CSMD1: variants seen among roughly 807,000 people sequenced by gnomAD.
The protein encoded by CSMD1 is CUB and sushi domain-containing protein 1.
CSMD1 carries 213 observed loss-of-function variants against 417.5 expected under a neutral mutation model. The observed-to-expected ratio is 0.51, with a 90% confidence interval of 0.46 to 0.57. The LOEUF is 0.57. Among genes scored for constraint, CSMD1 ranks in the 20% least tolerant of loss-of-function variants. CSMD1 has a pLI of 0.00. For missense variants in CSMD1, 6,923 were observed against 4,529.7 expected, an observed-to-expected ratio of 1.53 and a Z score of -15.17; for synonymous variants, 2,862 against 1,736.8, an observed-to-expected ratio of 1.65 and a Z score of -16.11.
At chr8:4,827,291 A>C (rs1011037004) in intron 1 of CSMD1, among the ~76,000 whole-genome samples, 5 of 152,112 alleles carry the variant, frequency 3.3e-5, no homozygotes, top group African/African-American at 1.2e-4. Context: ...CTCATGTTTC[A>C]AGCAGAAAGA....
chr8:4,457,275 C>G (rs1464899837), intron 2 of CSMD1, among the ~76,000 whole-genome samples: 1 of 152,112 alleles, frequency 6.6e-6, no homozygotes, highest in Non-Finnish European at 1.5e-5. Flanking sequence ...ATCTTACTTA[C>G]ATATATCATT....
At chr8:4,095,038 T>A (rs1800928645) in intron 3 of CSMD1, among the ~76,000 whole-genome samples, 1 of 152,120 alleles carries the variant, frequency 6.6e-6, no homozygotes, top group Non-Finnish European at 1.5e-5. Context: ...CTTGAGAAAG[T>A]CATGTAAGTA....
At chr8:3,259,312 T>G (rs569113916) in intron 26 of CSMD1, among the ~76,000 whole-genome samples, 8 of 152,340 alleles carry the variant, frequency 5.3e-5, no homozygotes, top group African/African-American at 1.4e-4. Flanking sequence ...CTAGTTAGCA[T>G]GTGAGCTCTG....
intron 3 of CSMD1, among the ~76,000 whole-genome samples, chr8:4,359,283 A>C (rs557949964): frequency 6.6e-6 from 1 of 152,338 alleles, no homozygotes; most frequent in African/African-American, 2.4e-5. Context: ...CAATAGATAT[A>C]TTCTGTGTAT....
chr8:4,311,904 C>T (rs1337831820), intron 3 of CSMD1, among the ~76,000 whole-genome samples: 2 of 151,800 alleles, frequency 1.3e-5, no homozygotes, highest in African/African-American at 2.4e-5. Context: ...TGCAACGAAC[C>T]CCCATGACAC....
intron 52 of CSMD1, among the ~76,000 whole-genome samples, chr8:3,017,966 C>T (rs1445397162): frequency 6.6e-6 from 1 of 152,028 alleles, no homozygotes; most frequent in African/African-American, 2.4e-5. Context: ...ATTTTTCATA[C>T]ACTTATTCAA....
chr8:4,075,517 A>T (rs1799775518), intron 3 of CSMD1, among the ~76,000 whole-genome samples: 1 of 152,226 alleles, frequency 6.6e-6, no homozygotes, highest in African/African-American at 2.4e-5. Flanking sequence ...GGAATTGATA[A>T]CTAAAAATGT....
At chr8:3,487,057 C>T (rs1480894928) in intron 11 of CSMD1, among the ~76,000 whole-genome samples, 2 of 152,140 alleles carry the variant, frequency 1.3e-5, no homozygotes, top group Admixed American at 6.5e-5. Flanking sequence ...CCTGGCATAA[C>T]AACATTCTAC....
intron 1 of CSMD1, among the ~76,000 whole-genome samples, chr8:4,850,167 G>C (rs756431338): frequency 6.6e-6 from 1 of 152,036 alleles, no homozygotes; most frequent in Admixed American, 6.6e-5. Flanking sequence ...ATTGGTATTT[G>C]TAAAATGTAT....
intron 5 of CSMD1, among the ~76,000 whole-genome samples, chr8:3,844,805 A>C (rs1172910770): frequency 1.3e-5 from 2 of 152,212 alleles, no homozygotes; most frequent in Non-Finnish European, 2.9e-5. Context: ...TTCATAGAAG[A>C]ATCAGAACAG....
At position 3,230,030 on chromosome 8, in the gene CSMD1, T is replaced by C; in HGVS notation, c.4345+10A>G. 6.5e-7 allele frequency: 1 copy of C among 1,532,250 alleles called. No individual in the cohort carries two copies. The highest frequency in any genetic ancestry group is 8.8e-7 in the Non-Finnish European group (1 of 1,135,904). 94.9% of individuals were successfully genotyped at this position (1,532,250 alleles called of 1,614,324 possible). On this transcript the variant is annotated intron_variant, in intron 27 of 69. Transcript: ENST00000635120. ...TGAATATAAAATTTCTAAGTTCTGT[T>C]GTCTGATACCTATGCATGTAGGAGG...
chr8:4,869,970 G>T (rs992652480), intron 1 of CSMD1, among the ~76,000 whole-genome samples: 1 of 152,012 alleles, frequency 6.6e-6, no homozygotes, highest in Non-Finnish European at 1.5e-5. Flanking sequence ...TGGTTAAGGT[G>T]ACATTTAAGA....
rs185739887 is a variant in CSMD1 at position 4,454,301 on chromosome 8, C to G, written c.303-34236G>C. Among the ~76,000 whole-genome samples the G allele has an allele frequency of 1.7e-3, 262 of 152,296 alleles. 1 individual carries two copies. The highest frequency in any genetic ancestry group is 6.1e-3 in the African/African-American group (253 of 41,568). ...TCCTGACTTCGGTGGACACCAGACG[C>G]AGCCTCTTCTTCCGCATCCTTGTCA... On this transcript the variant is annotated intron_variant, in intron 2 of 69. Coordinates refer to ENST00000635120, the MANE Select transcript of CSMD1 (RefSeq NM_033225.6).
chr8:3,547,932 G>A (rs1220324604), intron 10 of CSMD1, among the ~76,000 whole-genome samples: 1 of 152,150 alleles, frequency 6.6e-6, no homozygotes, highest in Non-Finnish European at 1.5e-5. Context: ...ATATCCTGAT[G>A]TCATAAAGTA....
At chr8:3,344,414 A>G (rs537196280) in intron 22 of CSMD1, among the ~76,000 whole-genome samples, 7 of 152,308 alleles carry the variant, frequency 4.6e-5, no homozygotes, top group Admixed American at 2.0e-4. Flanking sequence ...TACCTGGGTA[A>G]CAAGCCTGCA....
chr8:4,722,502 G>T (rs941874916), intron 1 of CSMD1, among the ~76,000 whole-genome samples: 2 of 152,000 alleles, frequency 1.3e-5, no homozygotes, highest in African/African-American at 4.8e-5. Context: ...TTAGGACTTG[G>T]GAGGATTGCT....
chr8:4,906,277 C>T (rs185489505), intron 1 of CSMD1, among the ~76,000 whole-genome samples: 1 of 151,866 alleles, frequency 6.6e-6, no homozygotes, highest in East Asian at 1.9e-4. Flanking sequence ...TAAATATTAA[C>T]AAAACAAATA....
chr8:3,941,817 T>G (rs1296881094), intron 5 of CSMD1, among the ~76,000 whole-genome samples: 1 of 151,878 alleles, frequency 6.6e-6, no homozygotes, highest in Non-Finnish European at 1.5e-5. Context: ...CAAGGAAAAA[T>G]AAAAATATAG....
rs913644402 is a variant in CSMD1, at chr8:2,968,300, T to C, written c.8924-1554A>G. Among the ~76,000 whole-genome samples the C allele has an allele frequency of 2.6e-5, 4 of 152,344 alleles. No individual in the cohort carries two copies. In the East Asian group the frequency reaches 7.7e-4, roughly 29 times the overall value. On this transcript the variant is annotated intron_variant, in intron 57 of 69. Coordinates refer to ENST00000635120, the MANE Select transcript of CSMD1 (RefSeq NM_033225.6). ...AAGGGAGTGAGTTTGGTCCAATTCA[T>C]AGTTTAACAAACCGAAAGAGGACAC...
Sources: allele counts gnomAD v4.1 joint callset (sites outside exome capture counted in the v4.1 genomes callset), GRCh38; gene constraint gnomAD v4.1.1; transcripts MANE v1.5; gene names NCBI Gene and HGNC (gene_info 2026-07-23, HGNC 2026-07-21).